NEK1: variants seen among roughly 807,000 people sequenced by gnomAD.
NEK1 encodes serine/threonine-protein kinase Nek1.
A neutral mutation model predicts 182.1 loss-of-function variants in NEK1; 137 were observed. The ratio of observed to expected loss-of-function variants is 0.75; its 90% CI spans 0.65 to 0.87. The LOEUF is 0.87. Ranked by LOEUF, NEK1 falls within the 40% of genes least tolerant of loss-of-function variation. NEK1 has a pLI of 0.00. For missense variants in NEK1, 1,391 were observed against 1,494.4 expected, an observed-to-expected ratio of 0.93 and a Z score of 1.14; for synonymous variants, 513 against 492.2, an observed-to-expected ratio of 1.04 and a Z score of -0.56.
intron 23 of NEK1, among the ~76,000 whole-genome samples, chr4:169,503,825 G>A (rs1752797836): frequency 1.3e-5 from 2 of 152,024 alleles, no homozygotes; most frequent in Non-Finnish European, 2.9e-5. Flanking sequence ...GATTTCTTCA[G>A]TAATATCCCA....
At chr4:169,395,142 T>TA (rs1730471490) in intron 35 of NEK1, among the ~76,000 whole-genome samples, 1 of 152,220 alleles carries the variant, frequency 6.6e-6, no homozygotes, top group African/African-American at 2.4e-5. Context: ...TCAAGTGAAT[T>TA]AAACAGACTG....
At chr4:169,574,751 A>G (rs951097442) in intron 12 of NEK1, among the ~76,000 whole-genome samples, 2 of 152,156 alleles carry the variant, frequency 1.3e-5, no homozygotes, top group African/African-American at 4.8e-5. Flanking sequence ...GAGTCTGGCA[A>G]TGAGAAGCAA....
chr4:169,403,533 G>A (rs1351625140), intron 32 of NEK1, among the ~76,000 whole-genome samples: 1 of 152,116 alleles, frequency 6.6e-6, no homozygotes, highest in Non-Finnish European at 1.5e-5. Context: ...TTGCAGCACT[G>A]TACTATAGCC....
intron 12 of NEK1, among the ~76,000 whole-genome samples, chr4:169,563,821 C>T (rs1360452050): frequency 6.6e-6 from 1 of 152,202 alleles, no homozygotes; most frequent in Non-Finnish European, 1.5e-5. Flanking sequence ...GAATTTTCAG[C>T]ATCTACTGAG....
chr4:169,408,631 T>TC (rs997397412), intron 31 of NEK1, among the ~76,000 whole-genome samples: 110 of 152,116 alleles, frequency 7.2e-4, no homozygotes, highest in African/African-American at 2.6e-3. Flanking sequence ...CTCTCACCCT[T>TC]CCCCCCTTGA....
chr4:169,570,199 T>G (rs1764494915), intron 12 of NEK1, among the ~76,000 whole-genome samples: 1 of 144,504 alleles, frequency 6.9e-6, no homozygotes. Flanking sequence ...GTCTGGGAGG[T>G]GAGGAGCGTC....
At chr4:169,547,741 C>A (rs964675768) in intron 18 of NEK1, among the ~76,000 whole-genome samples, 2 of 152,148 alleles carry the variant, frequency 1.3e-5, no homozygotes, top group Non-Finnish European at 2.9e-5. Flanking sequence ...TCTCTGATAT[C>A]CTTTTCCACT....
chr4:169,450,618 C>G (rs905615422), intron 27 of NEK1, among the ~76,000 whole-genome samples: 3 of 151,802 alleles, frequency 2.0e-5, no homozygotes, highest in Admixed American at 6.6e-5. Context: ...CCTTTACAGA[C>G]AAGAAAATGC....
chr4:169,398,420 C>T (rs562788046), intron 35 of NEK1, among the ~76,000 whole-genome samples: 12 of 152,052 alleles, frequency 7.9e-5, no homozygotes, highest in African/African-American at 2.9e-4. Flanking sequence ...ATGATAGTGC[C>T]CTCTTTTTAA....
At chr4:169,406,535 C>G in intron 32 of NEK1, 61 bp downstream of exon 32, 1 of 1,298,034 alleles carries the variant, frequency 7.7e-7, no homozygotes, top group Non-Finnish European at 1.0e-6. Context: ...GTTATCCCCT[C>G]TTTTTTACAT....
At chr4:169,566,199 G>C (rs977173791) in intron 12 of NEK1, among the ~76,000 whole-genome samples, 6 of 152,112 alleles carry the variant, frequency 3.9e-5, no homozygotes, top group African/African-American at 1.4e-4. Flanking sequence ...TTACACAATA[G>C]TGTGGAATAA....
chr4:169,509,122 TTTGC>T (rs1461071232), intron 19 of NEK1, among the ~76,000 whole-genome samples: 1 of 152,146 alleles, frequency 6.6e-6, no homozygotes, highest in Non-Finnish European at 1.5e-5. Context: ...GTTTTTTTTG[TTTGC>T]TTGTTTGTTT....
intron 2 of NEK1, among the ~76,000 whole-genome samples, 160 bp from the exon 3 acceptor site, chr4:169,602,838 T>TGTTGTACTAC (rs1770719285): frequency 6.6e-6 from 1 of 152,142 alleles, no homozygotes; most frequent in African/African-American, 2.4e-5. Context: ...TATACTTTAC[T>TGTTGTACTAC]AGTACAACCT....
chr4:169,440,856 T>C (rs2149434266), intron 27 of NEK1, among the ~76,000 whole-genome samples: 1 of 152,200 alleles, frequency 6.6e-6, no homozygotes, highest in South Asian at 2.1e-4. Context: ...AGAGAGGAAG[T>C]TTGTGCTGGA....
intron 32 of NEK1, among the ~76,000 whole-genome samples, chr4:169,403,747 A>T (rs937938443): frequency 5.3e-5 from 8 of 152,156 alleles, no homozygotes; most frequent in Middle Eastern, 3.2e-3. Context: ...CACTGTAAGA[A>T]AGTATGAGAA....
Position 169,563,356 on chromosome 4 carries a change from C to CA in NEK1, c.1021-1161dup, listed in dbSNP as rs1013367509. Among the ~76,000 whole-genome samples the CA allele has an allele frequency of 1.1e-3, 157 of 141,594 alleles. 1 individual carries two copies. The highest frequency in any genetic ancestry group is 3.3e-3 in the Admixed American group (47 of 14,246). 92.9% of individuals were successfully genotyped at this position (141,594 alleles called of 152,430 possible). A position where few individuals can be genotyped will look rare whatever the true frequency, so the allele number is the denominator to read the frequency against. ...AGCCTGACAGAGCGAGATCCTGTCT[C>CA]AAAAAAAAAAATAAAAATAAAAAAA... On this transcript the variant is annotated intron_variant, in intron 12 of 35. Coordinates refer to ENST00000507142, the MANE Select transcript of NEK1 (RefSeq NM_001199397.3).
chr4:169,467,026 C>T lies in NEK1; in HGVS notation c.2435-3631G>A, dbSNP rs563735260. 3.3e-5 allele frequency among the ~76,000 whole-genome samples: 5 copies of T among 152,224 alleles called. No homozygotes were observed. The East Asian group carries it at 9.6e-4, about 29-fold the overall frequency. On this transcript the variant is annotated intron_variant, in intron 26 of 35. Transcript: ENST00000507142. ...CCCCAACTTCCTCCTCTTCAGCCTACTCAATGTGAAGATGATGCGGATGAA... is the reference window on the plus strand; with the variant it reads ...CCCCAACTTCCTCCTCTTCAGCCTATTCAATGTGAAGATGATGCGGATGAA...
chr4:169,559,462 C>T (rs1762590905), intron 16 of NEK1, among the ~76,000 whole-genome samples: 1 of 152,052 alleles, frequency 6.6e-6, no homozygotes, highest in South Asian at 2.1e-4. Flanking sequence ...TATATTAATA[C>T]AAATTTGGAA....
chr4:169,408,368 T>TA (rs1283150722), intron 31 of NEK1, among the ~76,000 whole-genome samples: 4 of 152,214 alleles, frequency 2.6e-5, no homozygotes, highest in Non-Finnish European at 5.9e-5. Context: ...TACTCCTTGA[T>TA]AGACTAGTAA....
Sources: allele counts gnomAD v4.1 joint callset (sites outside exome capture counted in the v4.1 genomes callset), GRCh38; gene constraint gnomAD v4.1.1; transcripts MANE v1.5; gene names NCBI Gene and HGNC (gene_info 2026-07-23, HGNC 2026-07-21).